ZNF540: variants seen among roughly 807,000 people sequenced by gnomAD.
The protein encoded by ZNF540 is CTD-3064H18.6.
ZNF540 carries 3 observed loss-of-function variants against 11.8 expected under a neutral mutation model. The ratio of observed to expected loss-of-function variants is 0.25; its 90% CI spans 0.12 to 0.65. The LOEUF (loss-of-function observed/expected upper bound fraction) is 0.65. Ranked by LOEUF, ZNF540 falls within the 30% of genes least tolerant of loss-of-function variation. The pLI is 0.83. For synonymous variants in ZNF540, 247 were observed against 259.0 expected, an observed-to-expected ratio of 0.95 and a Z score of 0.45; for missense variants, 709 against 793.1, an observed-to-expected ratio of 0.89 and a Z score of 1.27.
chr19:37,603,734 T>C (rs1173862628), intron 4 of ZNF540, among the ~76,000 whole-genome samples: 1 of 152,228 alleles, frequency 6.6e-6, no homozygotes, highest in African/African-American at 2.4e-5. Context: ...ACAATGTATA[T>C]ATTCTTCAAA....
chr19:37,573,170 A>G (rs991475229), intron 1 of ZNF540, among the ~76,000 whole-genome samples: 10 of 152,196 alleles, frequency 6.6e-5, no homozygotes, highest in Non-Finnish European at 7.3e-5. Context: ...TTGGATGAAA[A>G]ACAACAGAAA....
Position 37,612,460 on chromosome 19 carries a change from G to A in ZNF540, c.1180G>A (p.Val394Met). The A allele has an allele frequency of 5.0e-6, 8 of 1,614,176 alleles. No individual in the cohort carries two copies. Among genetic ancestry groups the A allele is most frequent in the Non-Finnish European group, 6.8e-6 (8 of 1,180,034 alleles). ...TAAGGAGTGTGGGAAATCATTTAAT[G>A]TGCGTGGACAGCTTAATCGGCATAA... ...ECKECGKSFN[V>M]RGQLNRHKTI... The change falls in exon 5 of 5, where the codon GTG (valine) becomes ATG (methionine). Residue 394 changes from valine (V) to methionine (M), a missense_variant. Coordinates refer to ENST00000316433, the MANE Select transcript of ZNF540 (RefSeq NM_001172225.3).
At chr19:37,580,567 T>C (rs1210866747) in intron 1 of ZNF540, among the ~76,000 whole-genome samples, 1 of 152,208 alleles carries the variant, frequency 6.6e-6, no homozygotes, top group African/African-American at 2.4e-5. Flanking sequence ...TAGTCCCCAG[T>C]ATGGCGTCTT....
chr19:37,563,221 C>T (rs1398101047), intron 1 of ZNF540: 2 of 151,912 alleles, frequency 1.3e-5, no homozygotes, highest in African/African-American at 4.8e-5. Flanking sequence ...GTGACAGCTA[C>T]TTGGCAGGCT....
At chr19:37,564,756 A>AG (rs767120527) in intron 1 of ZNF540, 62 of 1,613,698 alleles carry the variant, frequency 3.8e-5, no homozygotes, top group Non-Finnish European at 5.0e-5. Flanking sequence ...TTACATTCAT[A>AG]GGGTTTCTCT....
At chr19:37,574,858 A>T (rs535645688) in intron 1 of ZNF540, among the ~76,000 whole-genome samples, 141 of 152,220 alleles carry the variant, frequency 9.3e-4, no homozygotes, top group Non-Finnish European at 1.8e-3. Flanking sequence ...AAAGATACCA[A>T]CAAATAAAGA....
In ZNF540 at chr19:37,565,952, T is replaced by C. The variant is rs779857352; in HGVS notation, c.-73+14287T>C. ...AGAGCATTTTTCTATATTATGATTT[T>C]CCTCATGTTGAATAAGGCATGACAG... On this transcript the variant is annotated intron_variant, in intron 1 of 4. Transcript: ENST00000592533. 1.2e-6 allele frequency: 2 copies of C among 1,613,868 alleles called. No individual in the cohort carries two copies. Among genetic ancestry groups the C allele is most frequent in the Middle Eastern group, 3.3e-4 (2 of 6,062 alleles).
intron 4 of ZNF540, among the ~76,000 whole-genome samples, chr19:37,610,714 G>A (rs1256054017): frequency 6.6e-6 from 1 of 152,106 alleles, no homozygotes; most frequent in Non-Finnish European, 1.5e-5. Flanking sequence ...CTTTGAAAGA[G>A]GTCTTTAGGT....
chr19:37,560,202 C>T (rs1421504976), intron 1 of ZNF540, among the ~76,000 whole-genome samples: 4 of 150,924 alleles, frequency 2.7e-5, no homozygotes, highest in African/African-American at 4.9e-5. Context: ...TGCTTAAACC[C>T]GGGAGGCAGA....
chr19:37,571,917 G>A (rs1203371968), intron 1 of ZNF540, among the ~76,000 whole-genome samples: 3 of 152,126 alleles, frequency 2.0e-5, no homozygotes, highest in Non-Finnish European at 4.4e-5. Context: ...GCAGTTGATA[G>A]CCTTACTATC....
At chr19:37,603,210 T>C (rs1440009202) in intron 4 of ZNF540, among the ~76,000 whole-genome samples, 1 of 152,076 alleles carries the variant, frequency 6.6e-6, no homozygotes, top group Non-Finnish European at 1.5e-5. Flanking sequence ...TCTCACTATG[T>C]TGGCCATGCT....
In ZNF540 at chr19:37,557,429, T is replaced by A. The variant is rs1317822738; in HGVS notation, c.-73+5764T>A. Among the ~76,000 whole-genome samples, 3 of 152,206 alleles carry A rather than the reference T, an allele frequency of 2.0e-5. No homozygotes were observed. In the East Asian group the frequency reaches 5.8e-4, roughly 29 times the overall value. On this transcript the variant is annotated intron_variant, in intron 1 of 4. Transcript: ENST00000592533. ...GCGTACCTGCTGTCAGTGTTAACGTTAATATCCTTACCCCATCGGAGAGCC... is the reference window on the plus strand; with the variant it reads ...GCGTACCTGCTGTCAGTGTTAACGTAAATATCCTTACCCCATCGGAGAGCC...
At chr19:37,584,950 C>G (rs928063822) in intron 1 of ZNF540, 1 of 137,836 alleles carries the variant, frequency 7.3e-6, no homozygotes, top group Non-Finnish European at 1.5e-5. Flanking sequence ...GGCCACAGAG[C>G]GAGACTCCGT....
chr19:37,551,833 T>TG (rs757408022), intron 1 of ZNF540, among the ~76,000 whole-genome samples: 24 of 150,122 alleles, frequency 1.6e-4, no homozygotes, highest in Non-Finnish European at 2.5e-4. Context: ...TCTGTGTGTG[T>TG]GGGGGGGGTG....
rs1219728341 is a variant in ZNF540 at position 37,565,198 on chromosome 19, T to C, written c.-73+13533T>C. 3.1e-6 allele frequency: 5 copies of C among 1,612,434 alleles called. No individual in the cohort carries two copies. The African/African-American group carries it at 5.4e-5, about 17-fold the overall frequency. ...AGGGCTTCTCTCCGGTATGAATTCT[T>C]TGATGTTGAATAAGATTAGAATTAG... is the stretch of plus-strand genomic sequence containing the variant. On this transcript the variant is annotated intron_variant, in intron 1 of 4. Coordinates refer to the ZNF540 transcript ENST00000592533.
rs1247420877 is a variant in ZNF540 at position 37,565,342 on chromosome 19, G to A, written c.-73+13677G>A. ...TCTTCCCGCATTCTTTACATTCATA[G>A]GGTTTCTCTCCTGTATGAATTCTCT... On this transcript the variant is annotated intron_variant, in intron 1 of 4. Transcript: ENST00000592533. 3 of 1,613,216 alleles carry A rather than the reference G, an allele frequency of 1.9e-6. No homozygotes were observed. In the East Asian group the frequency reaches 6.7e-5, roughly 36 times the overall value.
chr19:37,578,925 A>G (rs1005041944), intron 1 of ZNF540, among the ~76,000 whole-genome samples: 13 of 152,110 alleles, frequency 8.5e-5, no homozygotes, highest in African/African-American at 3.1e-4. Flanking sequence ...CTAAACAGTG[A>G]AGTTCGGCAT....
At chr19:37,581,960 A>G (rs940949179) in intron 1 of ZNF540, among the ~76,000 whole-genome samples, 3 of 152,168 alleles carry the variant, frequency 2.0e-5, no homozygotes, top group Admixed American at 6.5e-5. Flanking sequence ...ACATTTTGCC[A>G]TATTTCCTTC....
intron 1 of ZNF540, among the ~76,000 whole-genome samples, chr19:37,570,935 AAATT>A (rs1193936174): frequency 6.6e-6 from 1 of 152,216 alleles, no homozygotes; most frequent in African/African-American, 2.4e-5. Context: ...CACATTACTA[AAATT>A]AATAGGCTGT....
Sources: allele counts gnomAD v4.1 joint callset (sites outside exome capture counted in the v4.1 genomes callset), GRCh38; gene constraint gnomAD v4.1.1; transcripts MANE v1.5; gene names NCBI Gene and HGNC (gene_info 2026-07-23, HGNC 2026-07-21).